ZNF536: variants seen among roughly 807,000 people sequenced by gnomAD.
The protein encoded by ZNF536 is zinc finger protein 536.
A neutral mutation model predicts 84.5 loss-of-function variants in ZNF536; 13 were observed. The observed-to-expected ratio is 0.15, with a 90% CI of 0.10 to 0.24. ZNF536 has a LOEUF of 0.24. Among genes scored for constraint, ZNF536 ranks in the 10% least tolerant of loss-of-function variants. The pLI is 1.00. For synonymous variants in ZNF536, 811 were observed against 742.5 expected, an observed-to-expected ratio of 1.09 and a Z score of -1.50; for missense variants, 1,536 against 1,747.5, an observed-to-expected ratio of 0.88 and a Z score of 2.16.
intron 3 of ZNF536, among the ~76,000 whole-genome samples, chr19:30,542,352 C>A (rs980194906): frequency 6.6e-6 from 1 of 152,120 alleles, no homozygotes; most frequent in Non-Finnish European, 1.5e-5. Flanking sequence ...ATTAAACCAC[C>A]TGGTCGTATA....
intron 2 of ZNF536, among the ~76,000 whole-genome samples, chr19:30,287,224 TGGATAG>T (rs1018597654): frequency 1.8e-5 from 2 of 113,644 alleles, no homozygotes; most frequent in African/African-American, 7.0e-5. Flanking sequence ...GGTGGATGGA[TGGATAG>T]ATGGGTGGAG....
intron 1 of ZNF536, among the ~76,000 whole-genome samples, chr19:30,659,009 G>A (rs1568644751): frequency 1.3e-5 from 2 of 152,212 alleles, no homozygotes; most frequent in Non-Finnish European, 2.9e-5. Context: ...GTCCATTAGG[G>A]ATGTTGAAGT....
rs543190013 is a variant in ZNF536 at position 30,498,665 on chromosome 19, C to T, written c.2171-36182C>T. Among the ~76,000 whole-genome samples the T allele has an allele frequency of 5.3e-5, 8 of 152,232 alleles. No homozygotes were observed. The South Asian group carries it at 1.2e-3, about 24-fold the overall frequency. Reference sequence around the variant, plus strand: ...TCAAAAAATAGAAAAAATATAACTGCTGAAGACAGAGAGGAATGCATTAAA... The same window carrying T: ...TCAAAAAATAGAAAAAATATAACTGTTGAAGACAGAGAGGAATGCATTAAA... On this transcript the variant is annotated intron_variant, in intron 2 of 4. Transcript: ENST00000355537.
intron 1 of ZNF536, among the ~76,000 whole-genome samples, chr19:30,242,083 G>C (rs950689431): frequency 2.0e-5 from 3 of 152,128 alleles, no homozygotes; most frequent in African/African-American, 7.2e-5. Flanking sequence ...TCCTGTGGGA[G>C]GGCATCCATG....
chr19:30,267,399 T>C (rs1249763324), intron 1 of ZNF536, among the ~76,000 whole-genome samples: 1 of 152,174 alleles, frequency 6.6e-6, no homozygotes, highest in African/African-American at 2.4e-5. Context: ...TCTTCCTCAT[T>C]TTATCACTAC....
At chr19:30,642,107 A>C (rs1476137525) in intron 1 of ZNF536, among the ~76,000 whole-genome samples, 1 of 152,172 alleles carries the variant, frequency 6.6e-6, no homozygotes, top group Non-Finnish European at 1.5e-5. Context: ...TGGGAACCGA[A>C]TCCTATTTTA....
intron 1 of ZNF536, among the ~76,000 whole-genome samples, chr19:30,421,011 G>A (rs1402229598): frequency 1.3e-5 from 2 of 152,090 alleles, no homozygotes; most frequent in Non-Finnish European, 2.9e-5. Flanking sequence ...GGCAGACGGG[G>A]CTCTTCTTTC....
At chr19:30,229,211 C>G (rs1296513316) in intron 1 of ZNF536, among the ~76,000 whole-genome samples, 1 of 152,070 alleles carries the variant, frequency 6.6e-6, no homozygotes, top group East Asian at 1.9e-4. Flanking sequence ...TTCCTTAGCT[C>G]GTCCCCCTTC....
At chr19:30,463,109 G>A (rs140991672) in intron 2 of ZNF536, among the ~76,000 whole-genome samples, 151 of 151,796 alleles carry the variant, frequency 9.9e-4, no homozygotes, top group Non-Finnish European at 1.8e-3. Context: ...GTTGGGATGC[G>A]TGTATCTGTA....
intron 3 of ZNF536, among the ~76,000 whole-genome samples, chr19:30,352,974 C>T (rs949645155): frequency 6.6e-6 from 1 of 152,194 alleles, no homozygotes; most frequent in Non-Finnish European, 1.5e-5. Flanking sequence ...AAGCTGAAGT[C>T]ATAAATTATT....
At chr19:30,586,930 A>G (rs2047115087) in intron 1 of ZNF536, among the ~76,000 whole-genome samples, 1 of 152,242 alleles carries the variant, frequency 6.6e-6, no homozygotes, top group Non-Finnish European at 1.5e-5. Context: ...AAATTAATTG[A>G]AAGTATGGAA....
intron 1 of ZNF536, among the ~76,000 whole-genome samples, chr19:30,592,199 T>G (rs2047299139): frequency 6.6e-6 from 1 of 152,116 alleles, no homozygotes; most frequent in Non-Finnish European, 1.5e-5. Flanking sequence ...AAAGCAAAAA[T>G]AGCATCCATT....
chr19:30,579,328 T>C (rs533371974), intron 1 of ZNF536, among the ~76,000 whole-genome samples: 5 of 152,198 alleles, frequency 3.3e-5, no homozygotes, highest in Non-Finnish European at 7.3e-5. Context: ...GGTCTTTGGG[T>C]CAGCTGGGTG....
chr19:30,227,846 T>G (rs896831578), upstream of ZNF536, among the ~76,000 whole-genome samples: 6 of 151,686 alleles, frequency 4.0e-5, no homozygotes, highest in African/African-American at 1.5e-4. Flanking sequence ...CCGCCGGGCC[T>G]GGTCGGCCGG....
At chr19:30,432,164 T>A (rs986487321) in intron 1 of ZNF536, among the ~76,000 whole-genome samples, 46 of 152,110 alleles carry the variant, frequency 3.0e-4, no homozygotes, top group African/African-American at 1.0e-3. Flanking sequence ...AATCATCCCA[T>A]CTGGGTGAAA....
At chr19:30,601,486 G>A (rs2047682821) in intron 1 of ZNF536, among the ~76,000 whole-genome samples, 1 of 152,154 alleles carries the variant, frequency 6.6e-6, no homozygotes, top group South Asian at 2.1e-4. Context: ...CGCTAGGAGG[G>A]CCCACATATG....
At chr19:30,601,872 C>T (rs1039202224) in intron 1 of ZNF536, among the ~76,000 whole-genome samples, 1 of 152,138 alleles carries the variant, frequency 6.6e-6, no homozygotes, top group Non-Finnish European at 1.5e-5. Context: ...ATTAGCAGGA[C>T]CCTGAGACAC....
intron 1 of ZNF536, among the ~76,000 whole-genome samples, chr19:30,616,421 A>G (rs1029341301): frequency 6.6e-6 from 1 of 152,168 alleles, no homozygotes; most frequent in Non-Finnish European, 1.5e-5. Flanking sequence ...ATGATCAAAT[A>G]TTTTTCTCTG....
At chr19:30,492,231 C>T (rs2054538758) in intron 2 of ZNF536, among the ~76,000 whole-genome samples, 1 of 152,096 alleles carries the variant, frequency 6.6e-6, no homozygotes, top group South Asian at 2.1e-4. Context: ...ATGAATGTCC[C>T]CTTTCTCTCC....
Sources: gnomAD v4.1 joint callset for allele counts (sites outside exome capture counted in the v4.1 genomes callset) on GRCh38, gnomAD v4.1.1 for gene constraint, MANE v1.5 for transcripts, NCBI Gene and HGNC (gene_info 2026-07-23, HGNC 2026-07-21) for gene names.